USH2A: variants seen among roughly 807,000 people sequenced by gnomAD.
The protein encoded by USH2A is usherin, also known as Usher syndrome 2A (autosomal recessive, mild).
In USH2A, 443 loss-of-function variants were observed where a neutral mutation model predicts 538.9. That is an observed-to-expected ratio of 0.82 (90% CI 0.76 to 0.89). The LOEUF (loss-of-function observed/expected upper bound fraction) is 0.89, where lower values mean the gene tolerates loss of function less well. Among genes scored for constraint, USH2A ranks in the 40% least tolerant of loss-of-function variants. The pLI is 0.00. For synonymous variants in USH2A, 2,413 were observed against 2,273.5 expected (o/e 1.06, Z -1.75); for missense variants, 6,633 against 6,324.8 (o/e 1.05, Z -1.65).
In USH2A at chr1:215,674,928, G is replaced by A. The variant is rs761873785; in HGVS notation, c.12983C>T (p.Thr4328Ile). Reference sequence around the variant, plus strand: ...GCAGGCTTGGAGTGCATAGCTATAGGTGGAAAAAGGAAGAAGCTCTTCATC... The same window carrying A: ...GCAGGCTTGGAGTGCATAGCTATAGATGGAAAAAGGAAGAAGCTCTTCATC... ...YTDEELLPFS[T>I]YSYALQACTS... The change falls in exon 63 of 72, where the codon ACC becomes ATC. Residue 4328 changes from threonine to isoleucine, a missense_variant. Physicochemically the swap from Thr to Ile is moderately conservative, Grantham distance 89. Transcript: ENST00000307340. 5.0e-6 allele frequency: 8 copies of A among 1,614,154 alleles called. No homozygotes were observed. The highest frequency in any genetic ancestry group is 6.8e-6 in the Non-Finnish European group (8 of 1,180,022).
intron 46 of USH2A, among the ~76,000 whole-genome samples, chr1:215,838,727 A>G (rs1663597285): frequency 6.6e-6 from 1 of 152,180 alleles, no homozygotes; most frequent in East Asian, 1.9e-4. Context: ...AAGATTAGAA[A>G]TGGGGTTCAT....
chr1:215,807,553 C>T (rs1213600133), intron 49 of USH2A, among the ~76,000 whole-genome samples: 2 of 152,052 alleles, frequency 1.3e-5, no homozygotes, highest in Admixed American at 6.6e-5. Flanking sequence ...TTTCTAGGAC[C>T]TAAATTCTAG....
At chr1:216,269,950 G>T (rs1036075436) in intron 11 of USH2A, among the ~76,000 whole-genome samples, 1 of 152,064 alleles carries the variant, frequency 6.6e-6, no homozygotes, top group Non-Finnish European at 1.5e-5. Context: ...TTCTATGAGG[G>T]TGAATTCAAG....
intron 14 of USH2A, among the ~76,000 whole-genome samples, chr1:216,218,751 T>C (rs2035393369): frequency 6.6e-6 from 1 of 152,082 alleles, no homozygotes; most frequent in African/African-American, 2.4e-5. Flanking sequence ...CAAACAACTA[T>C]ATTAGGTCTT....
intron 70 of USH2A, among the ~76,000 whole-genome samples, chr1:215,631,101 A>G (rs918156439): frequency 6.6e-6 from 1 of 152,204 alleles, no homozygotes; most frequent in Non-Finnish European, 1.5e-5. Context: ...CATTCAGAGT[A>G]TAGCCTAAAA....
chr1:216,308,803 T>A (rs2037365679), intron 9 of USH2A, among the ~76,000 whole-genome samples: 1 of 152,208 alleles, frequency 6.6e-6, no homozygotes, highest in Admixed American at 6.5e-5. Flanking sequence ...TCTTTTTCTT[T>A]AATGAAACAG....
chr1:216,004,725 A>C (rs576452554), intron 32 of USH2A, among the ~76,000 whole-genome samples: 1 of 152,328 alleles, frequency 6.6e-6, no homozygotes. Context: ...AATTTGTTGT[A>C]TGTGATGGGA....
At chr1:215,813,348 T>C (rs1169621543) in intron 49 of USH2A, among the ~76,000 whole-genome samples, 1 of 152,122 alleles carries the variant, frequency 6.6e-6, no homozygotes, top group Non-Finnish European at 1.5e-5. Flanking sequence ...GAACAATGCA[T>C]GTGTAGTTCA....
chr1:216,257,405 T>C (rs932121312), intron 11 of USH2A, among the ~76,000 whole-genome samples: 2 of 152,060 alleles, frequency 1.3e-5, no homozygotes, highest in African/African-American at 4.8e-5. Context: ...ATTCTTACTG[T>C]TTTGCCTTTG....
chr1:216,393,158 A>G (rs1040222836), intron 3 of USH2A, among the ~76,000 whole-genome samples: 1 of 152,224 alleles, frequency 6.6e-6, no homozygotes, highest in African/African-American at 2.4e-5. Context: ...AGAAACATTG[A>G]CTAAGCCTGG....
intron 61 of USH2A, among the ~76,000 whole-genome samples, chr1:215,704,048 G>T (rs1659110782): frequency 6.6e-6 from 1 of 152,212 alleles, no homozygotes; most frequent in Non-Finnish European, 1.5e-5. Context: ...GTCCCTCAAG[G>T]CTTCCTTTGG....
At chr1:215,837,956 A>C (rs754024008) in intron 47 of USH2A, 35 bp downstream of exon 47, 4 of 1,478,420 alleles carry the variant, frequency 2.7e-6, no homozygotes, top group Non-Finnish European at 3.8e-6. Flanking sequence ...TTCTGATCAG[A>C]GTTCCTTAGA....
chr1:215,947,887 G>C (rs1666798361), intron 37 of USH2A, among the ~76,000 whole-genome samples: 1 of 151,978 alleles, frequency 6.6e-6, no homozygotes, highest in Non-Finnish European at 1.5e-5. Context: ...TGATAACTTT[G>C]GCATGTATGC....
Position 215,660,663 on chromosome 1 carries a change from T to A in USH2A, c.14134-9862A>T, listed in dbSNP as rs531641399. ...TACTTTGTTTTATAATTAGTTAAAA[T>A]TTCTCAAAAAGTCCTCAAACATGAA... On this transcript the variant is annotated intron_variant, in intron 64 of 71. Transcript: ENST00000307340. 2.2e-4 allele frequency among the ~76,000 whole-genome samples: 33 copies of A among 152,314 alleles called. No homozygotes were observed. The South Asian group carries it at 6.6e-3, about 31-fold the overall frequency.
At chr1:216,238,029 C>A (rs1445537911) in intron 13 of USH2A, among the ~76,000 whole-genome samples, 1 of 152,136 alleles carries the variant, frequency 6.6e-6, no homozygotes, top group Admixed American at 6.6e-5. Flanking sequence ...AATGGAACAT[C>A]AGCATCTGAT....
At chr1:216,322,131 T>G (rs968483418) in intron 8 of USH2A, among the ~76,000 whole-genome samples, 155 bp from the exon 9 acceptor site, 1 of 152,210 alleles carries the variant, frequency 6.6e-6, no homozygotes, top group African/African-American at 2.4e-5. Flanking sequence ...CGTGTGGATA[T>G]CCATACACGT....
intron 71 of USH2A, 133 bp from the exon 72 acceptor site, chr1:215,626,003 G>A (rs1425240566): frequency 1.2e-6 from 1 of 845,724 alleles, no homozygotes; most frequent in East Asian, 2.7e-5. Flanking sequence ...ACCATGGTGG[G>A]GTCTAAAACA....
chr1:215,797,586 T>C (rs1167782687), intron 50 of USH2A, among the ~76,000 whole-genome samples: 1 of 152,052 alleles, frequency 6.6e-6, no homozygotes, highest in Non-Finnish European at 1.5e-5. Context: ...CCTTAATAAT[T>C]ATGCTAAATC....
rs114912057 is a variant in USH2A, at chr1:215,920,791, A to C, written c.7300+13825T>G. Among the ~76,000 whole-genome samples, 1,167 of 152,166 alleles carry C rather than the reference A, an allele frequency of 7.7e-3. 10 individuals are homozygous for C. Among genetic ancestry groups the C allele is most frequent in the African/African-American group, 0.027 (1,118 of 41,554 alleles). ...ATTTATAGCATCAACCATGGGAATA[A>C]GATTTAAGCTTTTTCCTGTGATCAT... On this transcript the variant is annotated intron_variant, in intron 38 of 71. Transcript: ENST00000307340.
Sources: gnomAD v4.1 joint callset for allele counts (sites outside exome capture counted in the v4.1 genomes callset) on GRCh38, gnomAD v4.1.1 for gene constraint, MANE v1.5 for transcripts, NCBI Gene and HGNC (gene_info 2026-07-23, HGNC 2026-07-21) for gene names.